NIPAL3: variants seen among roughly 807,000 people sequenced by gnomAD.
NIPAL3 encodes the protein NIPA-like protein 3.
In NIPAL3, 41 loss-of-function variants were observed where a neutral mutation model predicts 47.2. The observed-to-expected ratio is 0.87, with a 90% CI of 0.68 to 1.13. The LOEUF (loss-of-function observed/expected upper bound fraction) is 1.13, where lower values mean the gene tolerates loss of function less well. NIPAL3 is among the 50% of genes most tolerant of loss of function. The pLI is 0.00. For synonymous variants in NIPAL3, 194 were observed against 209.6 expected (o/e 0.93, Z 0.64); for missense variants, 449 against 530.1 (o/e 0.85, Z 1.50).
intron 10 of NIPAL3, among the ~76,000 whole-genome samples, chr1:24,462,895 C>T (rs195723): frequency 0.29 from 43,527 of 152,056 alleles, 6,362 homozygotes; most frequent in Non-Finnish European, 0.33. Flanking sequence ...ATCAGGAGTT[C>T]GAGACCAGCC....
chr1:24,439,364 C>T (rs772856220), intron 2 of NIPAL3, among the ~76,000 whole-genome samples: 7 of 152,012 alleles, frequency 4.6e-5, no homozygotes, highest in Non-Finnish European at 1.0e-4. Context: ...AGTAAAAAAA[C>T]AGATTATAAA....
chr1:24,454,491 G>A lies in NIPAL3; in HGVS notation c.637+987G>A, dbSNP rs925506700. ...CCTTCCTACTGTGTGCCCTACCACC[G>A]CCACAAGCCATCAACCAAATAGATA... On this transcript the variant is annotated intron_variant, in intron 7 of 11. Coordinates refer to ENST00000374399, the MANE Select transcript of NIPAL3 (RefSeq NM_020448.5). This position sits in a 1 kb window ranked among gnomAD's most constrained non-coding sequence, Gnocchi z 4.1. 31 of 991,494 alleles carry A rather than the reference G, an allele frequency of 3.1e-5. No individual in the cohort carries two copies. Among genetic ancestry groups the A allele is most frequent in the Admixed American group, 2.3e-4 (4 of 17,378 alleles). 61.4% of individuals were successfully genotyped at this position (991,494 alleles called of 1,614,324 possible).
In NIPAL3 at chr1:24,469,912, G is replaced by A. The variant is rs1170227145; in HGVS notation, c.*727G>A. ...AAGGGGAAGAATATGGAGGATAGGA[G>A]AGGGTGATGATGCTTTAGCCCATTA... is the stretch of plus-strand genomic sequence containing the variant. On this transcript the variant is annotated 3_prime_UTR_variant, in exon 12 of 12. Transcript: ENST00000374399. The A allele has an allele frequency of 6.6e-6, 1 of 152,258 alleles. No homozygotes were observed. Among genetic ancestry groups the A allele is most frequent in the Non-Finnish European group, 1.5e-5 (1 of 68,056 alleles). 9.4% of individuals were successfully genotyped at this position (152,258 alleles called of 1,614,324 possible).
intron 6 of NIPAL3, among the ~76,000 whole-genome samples, chr1:24,452,853 A>ATTTTTTTTTTTTTTTTT (rs3054551): frequency 2.4e-5 from 3 of 124,216 alleles, no homozygotes. Flanking sequence ...CGCCCAGCTA[A>ATTTTTTTTTTTTTTTTT]TTTTTTTTTT....
chr1:24,421,551 CATA>C lies in NIPAL3; in HGVS notation c.93+1916_93+1918del, dbSNP rs1459066699. 4.6e-5 allele frequency among the ~76,000 whole-genome samples: 7 copies of C among 152,268 alleles called. No homozygotes were observed. The East Asian group carries it at 1.3e-3, about 29-fold the overall frequency. On this transcript the variant is annotated intron_variant, in intron 2 of 11. Transcript: ENST00000374399. ...GTTAATTTTAGATAATAATGATGAT[CATA>C]ATAACAGTGACTAATATTTATTGAG...
chr1:24,469,452 G>A lies in NIPAL3; in HGVS notation c.*267G>A, dbSNP rs1250258570. ...GGATTAGCCCAGGGGGATTTGGAAA[G>A]CCTTTCTACCATCCTTGAGGATGGT... On this transcript the variant is annotated 3_prime_UTR_variant, in exon 12 of 12. Coordinates refer to ENST00000374399, the MANE Select transcript of NIPAL3 (RefSeq NM_020448.5). 2.6e-6 allele frequency: 1 copy of A among 389,962 alleles called. No homozygotes were observed. The highest frequency in any genetic ancestry group is 4.6e-6 in the Non-Finnish European group (1 of 215,730). The allele number at this position is 389,962 out of a possible 1,614,324, so 24.2% of individuals were successfully genotyped here. A position where few individuals can be genotyped will look rare whatever the true frequency, so the allele number is the denominator to read the frequency against.
chr1:24,447,720 C>G (rs1401553048), intron 5 of NIPAL3, among the ~76,000 whole-genome samples: 1 of 152,142 alleles, frequency 6.6e-6, no homozygotes, highest in Admixed American at 6.5e-5. Flanking sequence ...TGGGAATACT[C>G]TAGGTAATCC....
chr1:24,449,517 C>G lies in NIPAL3; in HGVS notation c.431C>G (p.Ala144Gly). The G allele has an allele frequency of 6.2e-7, 1 of 1,613,968 alleles. No individual in the cohort carries two copies. The highest frequency in any genetic ancestry group is 8.5e-7 in the Non-Finnish European group (1 of 1,180,030). The stretch of plus-strand genomic sequence containing the variant: ...TTGTCCTTTGTTGGCTGCGGTTTGG[C>G]TGTCGTGGGTACCTACCTGCTGGTG... ...YVLSFVGCGL[A>G]VVGTYLLVTF... Residue 144 changes from alanine (A) to glycine (G), a missense_variant, in exon 6 of 12, where the codon GCT (alanine) becomes GGT (glycine). Transcript: ENST00000374399. This position sits in a 1 kb window ranked among gnomAD's most constrained non-coding sequence, Gnocchi z 4.5.
chr1:24,441,127 C>T (rs866006745), intron 3 of NIPAL3, among the ~76,000 whole-genome samples: 19 of 152,282 alleles, frequency 1.2e-4, no homozygotes, highest in Middle Eastern at 3.4e-3. Flanking sequence ...AGCACACTGG[C>T]CGGCTTCACT....
intron 3 of NIPAL3, among the ~76,000 whole-genome samples, chr1:24,440,530 AG>A (rs1430977253): frequency 6.6e-6 from 1 of 152,170 alleles, no homozygotes; most frequent in Non-Finnish European, 1.5e-5. Context: ...CTTGCTGCAA[AG>A]CTGCTGGAAT....
chr1:24,444,039 C>T (rs1336955369), intron 4 of NIPAL3, among the ~76,000 whole-genome samples: 2 of 150,592 alleles, frequency 1.3e-5, no homozygotes, highest in Non-Finnish European at 3.0e-5. Flanking sequence ...TTAAAGAGGC[C>T]AAGTTATAAT....
intron 1 of NIPAL3, among the ~76,000 whole-genome samples, chr1:24,418,085 G>A (rs1232652727): frequency 6.6e-6 from 1 of 152,200 alleles, no homozygotes; most frequent in Non-Finnish European, 1.5e-5. Flanking sequence ...CATGTGGAGT[G>A]GGAACATTAT....
intron 6 of NIPAL3, among the ~76,000 whole-genome samples, chr1:24,452,149 C>T (rs1240801823): frequency 2.6e-5 from 4 of 152,134 alleles, no homozygotes; most frequent in Admixed American, 6.5e-5. Flanking sequence ...TTGCACTGGG[C>T]GCTAGGGCTG....
In NIPAL3 at chr1:24,419,455, C is replaced by A. The variant is rs1393784057; in HGVS notation, c.-93C>A. 7.2e-7 allele frequency: 1 copy of A among 1,395,958 alleles called. No homozygotes were observed. The highest frequency in any genetic ancestry group is 9.3e-7 in the Non-Finnish European group (1 of 1,070,586). 86.5% of individuals were successfully genotyped at this position (1,395,958 alleles called of 1,614,324 possible). A position where few individuals can be genotyped will look rare whatever the true frequency, so the allele number is the denominator to read the frequency against. On this transcript the variant is annotated 5_prime_UTR_variant, in exon 2 of 12. Coordinates refer to ENST00000374399, the MANE Select transcript of NIPAL3 (RefSeq NM_020448.5). ...GTGACGGCTGCTGGAGGGAGGTGAACACCACAAGGAGAGATGGCATCTGGC... is the reference window on the plus strand; with the variant it reads ...GTGACGGCTGCTGGAGGGAGGTGAAAACCACAAGGAGAGATGGCATCTGGC...
At chr1:24,414,730 C>T (rs1643941373), upstream of NIPAL3, 1 of 151,766 alleles carries the variant, frequency 6.6e-6, no homozygotes, top group Non-Finnish European at 1.5e-5. Flanking sequence ...GAGATGGGGT[C>T]CCACTATATT....
rs3054551 is a variant in NIPAL3 at position 24,452,853 on chromosome 1, A to ATTTT, written c.541-538_541-535dup. 2.0e-3 allele frequency among the ~76,000 whole-genome samples: 243 copies of ATTTT among 124,180 alleles called. 2 individuals carry two copies. Among genetic ancestry groups the ATTTT allele is most frequent in the African/African-American group, 4.5e-3 (144 of 32,022 alleles). The allele number at this position is 124,180 out of a possible 152,430, so 81.5% of individuals were successfully genotyped here. ...AGGCAGATGCCACCACGCCCAGCTA[A>ATTTT]TTTTTTTTTTTTTTTTTTTTGTATT... is the stretch of plus-strand genomic sequence containing the variant. On this transcript the variant is annotated intron_variant, in intron 6 of 11. Transcript: ENST00000374399.
chr1:24,440,186 C>T lies in NIPAL3; in HGVS notation c.108C>T (p.Gly36=), dbSNP rs755214779. 8.2e-6 allele frequency: 13 copies of T among 1,588,978 alleles called. No homozygotes were observed. In the East Asian group the frequency reaches 1.2e-4, roughly 14 times the overall value. ...ASFSYKENLI[G]ALLAIFGHLV... ...TTTCCTTACAGGAAAACCTGATTGG[C>T]GCCCTCTTGGCGATCTTCGGGCACC... Residue 36 remains glycine (G), a synonymous_variant, in exon 3 of 12, where the codon GGC becomes GGT. Transcript: ENST00000374399.
intron 10 of NIPAL3, among the ~76,000 whole-genome samples, chr1:24,463,162 T>C (rs2148858984): frequency 6.6e-6 from 1 of 152,070 alleles, no homozygotes; most frequent in African/African-American, 2.4e-5. Flanking sequence ...GACTCCAGCC[T>C]GGGCAACAGA....
At chr1:24,421,259 G>A (rs1287266307) in intron 2 of NIPAL3, among the ~76,000 whole-genome samples, 1 of 152,082 alleles carries the variant, frequency 6.6e-6, no homozygotes, top group Non-Finnish European at 1.5e-5. Context: ...CAGCTACTTG[G>A]GAAGATCATT....
Sources: allele counts gnomAD v4.1 joint callset (sites outside exome capture counted in the v4.1 genomes callset), GRCh38; gene constraint gnomAD v4.1.1; non-coding constraint Gnocchi (gnomAD v3.1); transcripts MANE v1.5; gene names NCBI Gene and HGNC (gene_info 2026-07-23, HGNC 2026-07-21).